The following BOC variants were observed in gnomAD, a reference collection of about 807,000 sequenced individuals.
BOC encodes the protein BOC cell adhesion associated, oncogene regulated, also known as brother of CDO.
A neutral mutation model predicts 112.0 loss-of-function variants in BOC; 76 were observed. The ratio of observed to expected loss-of-function variants is 0.68; its 90% CI spans 0.56 to 0.82. BOC has a LOEUF of 0.82. BOC is among the 40% of genes least tolerant of loss of function. BOC has a pLI of 0.00. For synonymous variants in BOC, 580 were observed against 599.8 expected (o/e 0.97, Z 0.48); for missense variants, 1,309 against 1,511.7 (o/e 0.87, Z 2.22).
chr3:113,253,999 G>A (rs1435329706), intron 4 of BOC, among the ~76,000 whole-genome samples: 1 of 152,226 alleles, frequency 6.6e-6, no homozygotes, highest in Non-Finnish European at 1.5e-5. Context: ...GAGTTGGAGA[G>A]TGGAAGATTT....
At chr3:113,244,380 G>C (rs1944654754) in intron 2 of BOC, among the ~76,000 whole-genome samples, 1 of 152,148 alleles carries the variant, frequency 6.6e-6, no homozygotes, top group Non-Finnish European at 1.5e-5. Flanking sequence ...ATTTGGATGA[G>C]GAATAAGGTA....
intron 2 of BOC, among the ~76,000 whole-genome samples, chr3:113,234,474 CCA>C (rs970643357): frequency 1.3e-5 from 2 of 152,146 alleles, no homozygotes; most frequent in Non-Finnish European, 2.9e-5. Context: ...TTAATAAAAT[CCA>C]CAGTTTATCT....
intron 2 of BOC, among the ~76,000 whole-genome samples, chr3:113,247,620 C>A (rs1945095712): frequency 6.6e-6 from 1 of 152,038 alleles, no homozygotes; most frequent in Admixed American, 6.6e-5. Context: ...GGCAACTTCA[C>A]TTCTGGAACT....
At chr3:113,276,540 G>C (rs768083309) in intron 9 of BOC, among the ~76,000 whole-genome samples, 2 of 152,210 alleles carry the variant, frequency 1.3e-5, no homozygotes, top group Non-Finnish European at 2.9e-5. Context: ...CTCTCTTACG[G>C]AACTAACAAG....
intron 15 of BOC, among the ~76,000 whole-genome samples, chr3:113,282,147 G>C (rs1482499881): frequency 6.6e-6 from 1 of 152,170 alleles, no homozygotes; most frequent in Non-Finnish European, 1.5e-5. Context: ...TAGGAAAGAG[G>C]CCACTGAGGA....
intron 2 of BOC, among the ~76,000 whole-genome samples, chr3:113,241,500 C>G (rs1216014498): frequency 6.6e-6 from 1 of 152,122 alleles, no homozygotes; most frequent in African/African-American, 2.4e-5. Context: ...ACACCTAACC[C>G]CAAAGTCCAG....
chr3:113,222,082 C>T (rs1940786545), intron 2 of BOC, among the ~76,000 whole-genome samples: 2 of 152,234 alleles, frequency 1.3e-5, no homozygotes, highest in African/African-American at 4.8e-5. Flanking sequence ...TATTAAACAG[C>T]ACTCCCACCA....
intron 2 of BOC, among the ~76,000 whole-genome samples, chr3:113,218,053 T>C (rs984725594): frequency 1.9e-4 from 29 of 152,174 alleles, no homozygotes; most frequent in African/African-American, 6.8e-4. Flanking sequence ...GACATTTATT[T>C]TAAGGACGTG....
chr3:113,231,551 G>C (rs1357477870), intron 2 of BOC, among the ~76,000 whole-genome samples: 1 of 152,160 alleles, frequency 6.6e-6, no homozygotes, highest in South Asian at 2.1e-4. Flanking sequence ...GTCCAGGTTT[G>C]TGGTCAAGTG....
chr3:113,270,485 C>G lies in BOC; in HGVS notation c.524-316C>G, dbSNP rs1044087953. On this transcript the variant is annotated intron_variant, in intron 5 of 19. Transcript: ENST00000682979. ...ATTCCAAATCCTGCTTCCTTTCTAG[C>G]CTCCCTTAGCTCCCTTTAAAGTATA... The G allele has an allele frequency of 1.1e-4, 28 of 260,430 alleles. No homozygotes were observed. The East Asian group carries it at 1.8e-3, about 17-fold the overall frequency. 16.1% of individuals were successfully genotyped at this position (260,430 alleles called of 1,614,324 possible). A position where few individuals can be genotyped will look rare whatever the true frequency, so the allele number is the denominator to read the frequency against.
chr3:113,214,214 T>C (rs1938850572), intron 1 of BOC, among the ~76,000 whole-genome samples: 1 of 152,236 alleles, frequency 6.6e-6, no homozygotes, highest in Non-Finnish European at 1.5e-5. Flanking sequence ...AGCTGTGTGA[T>C]TTATGTTCCT....
At chr3:113,254,457 G>C (rs1265178430) in intron 4 of BOC, among the ~76,000 whole-genome samples, 1 of 152,192 alleles carries the variant, frequency 6.6e-6, no homozygotes, top group East Asian at 1.9e-4. Flanking sequence ...AATGCCATTA[G>C]GGGATCTGGC....
At chr3:113,252,333 C>T (rs1296789370) in intron 4 of BOC, among the ~76,000 whole-genome samples, 1 of 152,204 alleles carries the variant, frequency 6.6e-6, no homozygotes, top group African/African-American at 2.4e-5. Context: ...TCCCTGAAAG[C>T]CCTGCTTTGG....
rs1948336089 is a variant in BOC at position 113,273,273 on chromosome 3, A to AC, written c.1168dup (p.Gln390ProfsTer33). The AC allele has an allele frequency of 6.2e-7, 1 of 1,612,384 alleles. No individual in the cohort carries two copies. Among genetic ancestry groups the AC allele is most frequent in the African/African-American group, 1.3e-5 (1 of 74,924 alleles). On this transcript the variant is annotated frameshift_variant, in exon 8 of 20. Coordinates refer to ENST00000682979, the MANE Select transcript of BOC (RefSeq NM_001378074.1). LOFTEE classifies it high-confidence loss of function. The stretch of plus-strand genomic sequence containing the variant: ...ATGGGGCCTGAGGACGAAGGCGTCT[A>AC]CCAGTGCATGGCCGAGAACGAGGTT...
chr3:113,236,228 A>ATGTGTG lies in BOC; in HGVS notation c.-81-13460_-81-13455dup, dbSNP rs765387902. Among the ~76,000 whole-genome samples the ATGTGTG allele has an allele frequency of 6.5e-3, 507 of 78,030 alleles. 14 individuals are homozygous for ATGTGTG. Among genetic ancestry groups the ATGTGTG allele is most frequent in the African/African-American group, 0.01 (206 of 19,922 alleles). 51.2% of individuals were successfully genotyped at this position (78,030 alleles called of 152,430 possible). A position where few individuals can be genotyped will look rare whatever the true frequency, so the allele number is the denominator to read the frequency against. ...TATATATATACGTGTATATACGTATATGTGTGTGTGTGTGTGTGTGTGTGT... is the reference window on the plus strand; with the variant it reads ...TATATATATACGTGTATATACGTATATGTGTGTGTGTGTGTGTGTGTGTGTGTGTGT... On this transcript the variant is annotated intron_variant, in intron 2 of 19. Transcript: ENST00000682979.
chr3:113,227,759 AC>A (rs1013111261), intron 2 of BOC, among the ~76,000 whole-genome samples: 5 of 152,080 alleles, frequency 3.3e-5, no homozygotes, highest in African/African-American at 9.7e-5. Flanking sequence ...TAAAAAAAAA[AC>A]TTTACCCTTT....
At chr3:113,228,774 C>T (rs970109494) in intron 2 of BOC, among the ~76,000 whole-genome samples, 1 of 152,072 alleles carries the variant, frequency 6.6e-6, no homozygotes, top group Admixed American at 6.5e-5. Flanking sequence ...GTTGTAGGGA[C>T]AGGAGGGAAG....
intron 2 of BOC, chr3:113,216,493 G>A (rs1442071328): frequency 3.4e-6 from 1 of 293,050 alleles, no homozygotes; most frequent in Non-Finnish European, 6.9e-6. Context: ...CTTGCTCTGT[G>A]GCAAGCTCTG....
intron 4 of BOC, among the ~76,000 whole-genome samples, chr3:113,252,922 G>A (rs944560266): frequency 6.6e-6 from 1 of 152,178 alleles, no homozygotes; most frequent in Non-Finnish European, 1.5e-5. Context: ...TGAGGCTTGG[G>A]TGTTGAAGGT....
Sources: gnomAD v4.1 joint callset for allele counts (sites outside exome capture counted in the v4.1 genomes callset) on GRCh38, gnomAD v4.1.1 for gene constraint, MANE v1.5 for transcripts, NCBI Gene and HGNC (gene_info 2026-07-23, HGNC 2026-07-21) for gene names.